UBE3C: variants seen among roughly 807,000 people sequenced by gnomAD.
UBE3C encodes the protein ubiquitin protein ligase E3C.
UBE3C carries 42 observed loss-of-function variants against 129.4 expected under a neutral mutation model. That is an observed-to-expected ratio of 0.32 (90% CI 0.25 to 0.42). The LOEUF (loss-of-function observed/expected upper bound fraction) is 0.42. Among genes scored for constraint, UBE3C ranks in the 10% least tolerant of loss-of-function variants. UBE3C has a pLI of 1.00. For missense variants in UBE3C, 1,049 were observed against 1,319.1 expected, an observed-to-expected ratio of 0.80 and a Z score of 3.17; for synonymous variants, 510 against 492.4, an observed-to-expected ratio of 1.04 and a Z score of -0.47.
At chr7:157,199,159 T>C (rs1809207646) in intron 10 of UBE3C, among the ~76,000 whole-genome samples, 1 of 152,268 alleles carries the variant, frequency 6.6e-6, no homozygotes, top group Non-Finnish European at 1.5e-5. Context: ...TTGCCTTGTT[T>C]TGTTTTAATA....
intron 14 of UBE3C, among the ~76,000 whole-genome samples, chr7:157,218,455 TAAA>T (rs986599602): frequency 7.4e-6 from 1 of 135,104 alleles, no homozygotes; most frequent in Non-Finnish European, 1.6e-5. Flanking sequence ...TCTCAAAAAA[TAAA>T]AAAAAAAAAC....
At chr7:157,192,714 C>T (rs188821508) in intron 10 of UBE3C, 16 of 818,474 alleles carry the variant, frequency 2.0e-5, no homozygotes, top group African/African-American at 1.4e-4. Flanking sequence ...GAGCTGCCTT[C>T]GTCGAGAGTG....
intron 14 of UBE3C, chr7:157,217,277 A>G: frequency 9.5e-6 from 2 of 210,570 alleles, no homozygotes; most frequent in Non-Finnish European, 9.5e-6. Context: ...GTATTAATAT[A>G]TGTCTAGTAT....
intron 1 of UBE3C, among the ~76,000 whole-genome samples, chr7:157,156,670 C>G (rs1206230718): frequency 2.0e-5 from 3 of 150,390 alleles, no homozygotes; most frequent in Non-Finnish European, 4.4e-5. Flanking sequence ...CAGAGCTGTT[C>G]TCTACATACA....
chr7:157,223,398 TAAGA>T, intron 16 of UBE3C, 47 bp downstream of exon 16: 3 of 1,508,036 alleles, frequency 2.0e-6, no homozygotes, highest in Non-Finnish European at 2.7e-6. Flanking sequence ...ATATTAGTGT[TAAGA>T]AATTAACACA....
At chr7:157,207,016 T>A (rs1429502457) in intron 11 of UBE3C, among the ~76,000 whole-genome samples, 1 of 152,204 alleles carries the variant, frequency 6.6e-6, no homozygotes, top group Admixed American at 6.5e-5. Context: ...TTATTAAATA[T>A]GTTGAGTAGA....
At chr7:157,140,893 A>G (rs983661908) in intron 1 of UBE3C, among the ~76,000 whole-genome samples, 1 of 152,202 alleles carries the variant, frequency 6.6e-6, no homozygotes, top group Non-Finnish European at 1.5e-5. Context: ...ATAACTTAAG[A>G]TACAGTCAGG....
At chr7:157,226,128 C>G (rs1053262290) in intron 17 of UBE3C, among the ~76,000 whole-genome samples, 4 of 151,998 alleles carry the variant, frequency 2.6e-5, no homozygotes, top group African/African-American at 7.2e-5. Context: ...AGCTGTTGTT[C>G]TAAAAATCTC....
At chr7:157,198,423 A>G in intron 10 of UBE3C, 1 of 618,144 alleles carries the variant, frequency 1.6e-6, no homozygotes, top group Non-Finnish European at 3.0e-6. Flanking sequence ...TCTTCACATT[A>G]AGTTCTGCAA....
rs575089355 is a variant in UBE3C, at chr7:157,217,267, G to A, written c.1914+296G>A. The A allele has an allele frequency of 2.6e-5, 6 of 233,962 alleles. No individual in the cohort carries two copies. The East Asian group carries it at 5.1e-4, about 20-fold the overall frequency. 14.5% of individuals were successfully genotyped at this position (233,962 alleles called of 1,614,324 possible). ...GTTGAAAAATATTTTGCTTTTATTA[G>A]TATTAATATATGTCTAGTATTTAAA... On this transcript the variant is annotated intron_variant, in intron 14 of 22. Transcript: ENST00000348165.
chr7:157,159,115 A>G (rs1233590344), intron 1 of UBE3C, among the ~76,000 whole-genome samples: 11 of 152,166 alleles, frequency 7.2e-5, no homozygotes, highest in Admixed American at 7.2e-4. Flanking sequence ...TTCATCCTGA[A>G]AGCTTGTAGG....
rs764680507 is a variant in UBE3C at position 157,174,921 on chromosome 7, A to G, written c.345A>G (p.Ile115Met). Reference protein sequence around the residue: ...YKQNEDSKRLIWLYQNLIKHS... With the variant: ...YKQNEDSKRLMWLYQNLIKHS... ...TATTTTATGTTTTGCTGTTTCAGATATGGCTGTATCAGAACTTAATTAAAC... is the reference window on the plus strand; with the variant it reads ...TATTTTATGTTTTGCTGTTTCAGATGTGGCTGTATCAGAACTTAATTAAAC... Residue 115 changes from isoleucine (I) to methionine (M), a missense_variant and splice_region_variant, in exon 5 of 23, where the codon ATA (isoleucine) becomes ATG (methionine). Coordinates refer to ENST00000348165, the MANE Select transcript of UBE3C (RefSeq NM_014671.3). The G allele has an allele frequency of 3.7e-5, 60 of 1,601,928 alleles. No individual in the cohort carries two copies. Among genetic ancestry groups the G allele is most frequent in the Non-Finnish European group, 5.1e-5 (60 of 1,175,026 alleles).
rs376974804 is a variant in UBE3C, at chr7:157,256,940, A to G, written c.2977A>G (p.Ile993Val). Residue 993 changes from isoleucine to valine, a missense_variant, in exon 22 of 23, where the codon ATT becomes GTT. Physicochemically the swap from Ile to Val is conservative, Grantham distance 29. Around this residue, in one of 4 missense-constraint regions of UBE3C, gnomAD observed 243 missense variants for 368.7 expected, o/e 0.66. Coordinates refer to ENST00000348165, the MANE Select transcript of UBE3C (RefSeq NM_014671.3). ...SGGYSADHPV[I>V]KVFWRVVEGF... ...AGGCTATTCTGCAGACCATCCTGTT[A>G]TTAAGGTCTTCTGGAGAGTTGTGGA... The G allele has an allele frequency of 1.5e-5, 25 of 1,614,016 alleles. No individual in the cohort carries two copies. The highest frequency in any genetic ancestry group is 1.3e-4 in the Admixed American group (8 of 59,992).
intron 16 of UBE3C, 130 bp from the exon 17 acceptor site, chr7:157,225,277 A>T (rs563084580): frequency 3.0e-6 from 3 of 1,012,850 alleles, no homozygotes; most frequent in East Asian, 5.8e-5. Context: ...TCAAGATTTG[A>T]TACCTTGACT....
In UBE3C at chr7:157,221,175, T is replaced by G. The variant is rs1795726126; in HGVS notation, c.2002+399T>G. On this transcript the variant is annotated intron_variant, in intron 15 of 22. Transcript: ENST00000348165. ...AATCCATTCATTGGTTGAAAGACAT[T>G]TGGTTATTTTTTCTGTCTCTGGGAA... The G allele has an allele frequency of 1.8e-5, 3 of 167,978 alleles. No homozygotes were observed. In the Admixed American group the frequency reaches 1.8e-4, roughly 10 times the overall value. The allele number at this position is 167,978 out of a possible 1,614,324, so 10.4% of individuals were successfully genotyped here. A position where few individuals can be genotyped will look rare whatever the true frequency, so the allele number is the denominator to read the frequency against.
chr7:157,197,142 A>G (rs1809143208), intron 10 of UBE3C, among the ~76,000 whole-genome samples: 2 of 152,234 alleles, frequency 1.3e-5, no homozygotes, highest in African/African-American at 4.8e-5. Flanking sequence ...TGATCAAACA[A>G]TTTCAAAATC....
rs577283137 is a variant in UBE3C at position 157,227,012 on chromosome 7, AT to A, written c.2233+1475del. Among the ~76,000 whole-genome samples, 34 of 152,304 alleles carry A rather than the reference AT, an allele frequency of 2.2e-4. No homozygotes were observed. The South Asian group carries it at 7.0e-3, about 32-fold the overall frequency. On this transcript the variant is annotated intron_variant, in intron 17 of 22. Transcript: ENST00000348165. ...CTAATAGTTCTTACATTGTATTTTT[AT>A]TAGCAGATTTCACGTTCATCTCTCC...
intron 21 of UBE3C, among the ~76,000 whole-genome samples, chr7:157,255,501 C>T (rs570197927): frequency 2.0e-5 from 3 of 152,292 alleles, no homozygotes; most frequent in African/African-American, 7.2e-5. Context: ...CAAATAATGC[C>T]TAAGGTCACG....
chr7:157,187,107 G>T (rs35610996), intron 10 of UBE3C, 86 bp downstream of exon 10: 92,416 of 1,421,384 alleles, frequency 0.065, 3,305 homozygotes, highest in Non-Finnish European at 0.076. Context: ...CTTAAGTTTT[G>T]TCTGCTCTTT....
Sources: gnomAD v4.1 joint callset for allele counts (sites outside exome capture counted in the v4.1 genomes callset) on GRCh38, gnomAD v4.1.1 for gene constraint, gnomAD v4.1.1 regional missense constraint, MANE v1.5 for transcripts, NCBI Gene and HGNC (gene_info 2026-07-23, HGNC 2026-07-21) for gene names.